Variants in BPNT2 observed in about 807,000 individuals in gnomAD.
BPNT2 encodes Golgi-resident adenosine 3',5'-bisphosphate 3'-phosphatase.
In BPNT2, 11 loss-of-function variants were observed where a neutral mutation model predicts 29.3. That is an observed-to-expected ratio of 0.38 (90% CI 0.24 to 0.62). The LOEUF (loss-of-function observed/expected upper bound fraction) is 0.62. Among genes scored for constraint, BPNT2 ranks in the 20% least tolerant of loss-of-function variants. The pLI is 0.62. For synonymous variants in BPNT2, 195 were observed against 187.7 expected (o/e 1.04, Z -0.32); for missense variants, 459 against 473.4 (o/e 0.97, Z 0.28).
At chr8:56,989,209 TAA>T (rs59954677) in intron 1 of BPNT2, among the ~76,000 whole-genome samples, 10,542 of 152,018 alleles carry the variant, frequency 0.069, 566 homozygotes, top group East Asian at 0.27. Context: ...CCGTCTCTAC[TAA>T]AAATACAAAA....
intron 1 of BPNT2, among the ~76,000 whole-genome samples, chr8:56,982,610 AAAC>A (rs886371071): frequency 5.3e-5 from 8 of 152,144 alleles, no homozygotes; most frequent in African/African-American, 1.9e-4. Context: ...TAGTATAGAT[AAAC>A]AACGAGACAC....
At chr8:56,981,171 T>G (rs1461079019) in intron 1 of BPNT2, among the ~76,000 whole-genome samples, 1 of 152,164 alleles carries the variant, frequency 6.6e-6, no homozygotes, top group Non-Finnish European at 1.5e-5. Context: ...CCGGACATTG[T>G]CAAGTGCGCC....
In BPNT2 at chr8:56,961,396, A is replaced by G. The variant is rs994907741; in HGVS notation, c.*2397T>C. On this transcript the variant is annotated 3_prime_UTR_variant, in exon 5 of 5. Transcript: ENST00000262644. ...GCAACGTATATTGGCTTTTAAAAAC[A>G]AACAATTTTAAAAATGAACTTTTTA... 2 of 152,128 alleles carry G rather than the reference A, an allele frequency of 1.3e-5. No individual in the cohort carries two copies. Among genetic ancestry groups the G allele is most frequent in the East Asian group, 3.8e-4 (2 of 5,196 alleles). The allele number at this position is 152,128 out of a possible 1,614,324, so 9.4% of individuals were successfully genotyped here.
chr8:56,990,138 A>G (rs999587539), intron 1 of BPNT2, among the ~76,000 whole-genome samples: 3 of 152,224 alleles, frequency 2.0e-5, no homozygotes, highest in Non-Finnish European at 4.4e-5. Flanking sequence ...CTTAACTTCC[A>G]TCTTATAGGT....
At chr8:56,967,167 T>C (rs774686100) in intron 3 of BPNT2, 5 of 456,172 alleles carry the variant, frequency 1.1e-5, no homozygotes, top group Non-Finnish European at 1.8e-5. Flanking sequence ...GGGCAAGATA[T>C]AGTCCACCAT....
intron 3 of BPNT2, among the ~76,000 whole-genome samples, chr8:56,974,196 G>GT (rs1443364926): frequency 1.3e-5 from 2 of 152,122 alleles, no homozygotes; most frequent in Admixed American, 6.5e-5. Flanking sequence ...TATTTATGTT[G>GT]TTAAGATTTT....
rs1805787194 is a variant in BPNT2, at chr8:56,959,207, GT to G, written c.*4585del. ...ATCATCCTTAACTTCTGAAAGTTTG[GT>G]TTATGTTATCTTATCTAGAAAGAAA... On this transcript the variant is annotated 3_prime_UTR_variant, in exon 5 of 5. Transcript: ENST00000262644. The G allele has an allele frequency of 6.6e-6, 1 of 152,090 alleles. No homozygotes were observed. 9.4% of individuals were successfully genotyped at this position (152,090 alleles called of 1,614,324 possible).
At chr8:56,976,317 T>TA (rs1806132189) in intron 3 of BPNT2, among the ~76,000 whole-genome samples, 1 of 152,152 alleles carries the variant, frequency 6.6e-6, no homozygotes, top group Admixed American at 6.6e-5. Flanking sequence ...TACTGTCTGT[T>TA]AGAGAAGAGA....
chr8:56,959,663 CA>C lies in BPNT2; in HGVS notation c.*4129del, dbSNP rs1236155956. On this transcript the variant is annotated 3_prime_UTR_variant, in exon 5 of 5. Coordinates refer to ENST00000262644, the MANE Select transcript of BPNT2 (RefSeq NM_017813.5). ...GTCTAATATTATTAAAATTAAAAAT[CA>C]AAAGATGAAATATTATTTCAGACCT... 6.6e-6 allele frequency: 1 copy of C among 151,898 alleles called. No homozygotes were observed. Among genetic ancestry groups the C allele is most frequent in the Non-Finnish European group, 1.5e-5 (1 of 67,998 alleles). The allele number at this position is 151,898 out of a possible 1,614,324, so 9.4% of individuals were successfully genotyped here. A position where few individuals can be genotyped will look rare whatever the true frequency, so the allele number is the denominator to read the frequency against.
In BPNT2 at chr8:56,963,727, G is replaced by A; in HGVS notation, c.*66C>T. The A allele has an allele frequency of 2.5e-6, 4 of 1,580,116 alleles. No homozygotes were observed. Among genetic ancestry groups the A allele is most frequent in the Non-Finnish European group, 3.5e-6 (4 of 1,151,082 alleles). On this transcript the variant is annotated 3_prime_UTR_variant, in exon 5 of 5. Transcript: ENST00000262644. ...CATGCATAGTCTCCACCAATCCTTTGAAGCTTCCAGCATCTCAGGCTAACC... is the reference window on the plus strand; with the variant it reads ...CATGCATAGTCTCCACCAATCCTTTAAAGCTTCCAGCATCTCAGGCTAACC...
rs535030645 is a variant in BPNT2 at position 56,983,503 on chromosome 8, T to G, written c.388-3306A>C. Reference sequence around the variant, plus strand: ...AGGTCAGAGAGTAATGGAAGCCAGATGGTGAAGGACCTCGCAGGCTGCAAC... The same window carrying G: ...AGGTCAGAGAGTAATGGAAGCCAGAGGGTGAAGGACCTCGCAGGCTGCAAC... On this transcript the variant is annotated intron_variant, in intron 1 of 4. Transcript: ENST00000262644. 1.5e-3 allele frequency among the ~76,000 whole-genome samples: 233 copies of G among 152,166 alleles called. 2 individuals carry two copies. The highest frequency in any genetic ancestry group is 5.3e-3 in the African/African-American group (221 of 41,530).
intron 1 of BPNT2, among the ~76,000 whole-genome samples, chr8:56,986,994 T>C (rs1253253507): frequency 6.6e-6 from 1 of 152,202 alleles, no homozygotes; most frequent in Non-Finnish European, 1.5e-5. Context: ...TACATATACA[T>C]ATAATACATA....
rs577354859 is a variant in BPNT2, at chr8:56,971,332, C to G, written c.647-4980G>C. On this transcript the variant is annotated intron_variant, in intron 3 of 4. Coordinates refer to ENST00000262644, the MANE Select transcript of BPNT2 (RefSeq NM_017813.5). ...GTGGTTGGTTGGTACGTTCCTACAC[C>G]TACTTCAGAAATAACAATTTATTAT... Among the ~76,000 whole-genome samples, 8 of 150,142 alleles carry G rather than the reference C, an allele frequency of 5.3e-5. No individual in the cohort carries two copies. In the East Asian group the frequency reaches 1.2e-3, roughly 22 times the overall value.
At chr8:56,988,226 A>G (rs1009813216) in intron 1 of BPNT2, among the ~76,000 whole-genome samples, 6 of 152,154 alleles carry the variant, frequency 3.9e-5, no homozygotes, top group Non-Finnish European at 8.8e-5. Flanking sequence ...AGGAAACATA[A>G]TACACCTAAC....
At chr8:56,988,242 A>C (rs991854577) in intron 1 of BPNT2, among the ~76,000 whole-genome samples, 1 of 152,210 alleles carries the variant, frequency 6.6e-6, no homozygotes, top group Non-Finnish European at 1.5e-5. Context: ...CTAACACCCC[A>C]GCCAACTTCC....
intron 1 of BPNT2, among the ~76,000 whole-genome samples, chr8:56,982,549 C>T (rs1404347859): frequency 2.0e-5 from 3 of 152,096 alleles, no homozygotes; most frequent in Non-Finnish European, 4.4e-5. Flanking sequence ...CTTAAAGATA[C>T]CACAGTGATC....
At position 56,971,780 on chromosome 8, in the gene BPNT2, C is replaced by CTA. The variant is rs1322051018; in HGVS notation, c.647-5429_647-5428insTA. ...TATGTATTACTGAAATAATTTTGTA[C>CTA]CACCCCCCCCCCCACAATGCTACTG... On this transcript the variant is annotated intron_variant, in intron 3 of 4. Coordinates refer to ENST00000262644, the MANE Select transcript of BPNT2 (RefSeq NM_017813.5). Among the ~76,000 whole-genome samples the CTA allele has an allele frequency of 7.6e-5, 2 of 26,152 alleles. 1 individual carries two copies. The highest frequency in any genetic ancestry group is 3.8e-4 in the African/African-American group (2 of 5,232). 17.2% of individuals were successfully genotyped at this position (26,152 alleles called of 152,430 possible). A position where few individuals can be genotyped will look rare whatever the true frequency, so the allele number is the denominator to read the frequency against.
intron 1 of BPNT2, among the ~76,000 whole-genome samples, chr8:56,992,991 G>GC (rs1319102236): frequency 6.6e-6 from 1 of 152,152 alleles, no homozygotes; most frequent in Non-Finnish European, 1.5e-5. Context: ...CCCAGGACGA[G>GC]CCAAAAGGGC....
At position 56,993,216 on chromosome 8, in the gene BPNT2, C is replaced by T; in HGVS notation, c.370G>A (p.Ala124Thr). 6.2e-7 allele frequency: 1 copy of T among 1,602,030 alleles called. No individual in the cohort carries two copies. ...GCTCCCACCTGGACGCTGGGGAAGG[C>T]GGTCTTGAGCAGGTAGAACATCTTG... is the stretch of plus-strand genomic sequence containing the variant. ...NRKMFYLLKT[A>T]FPSVQINTEE... The change falls in exon 1 of 5, where the codon GCC becomes ACC. Residue 124 changes from alanine (A) to threonine (T), a missense_variant. Physicochemically the swap from Ala to Thr is moderately conservative, Grantham distance 58 (BLOSUM62 0). Coordinates refer to ENST00000262644, the MANE Select transcript of BPNT2 (RefSeq NM_017813.5).
Sources: allele counts gnomAD v4.1 joint callset (sites outside exome capture counted in the v4.1 genomes callset), GRCh38; gene constraint gnomAD v4.1.1; transcripts MANE v1.5; gene names NCBI Gene and HGNC (gene_info 2026-07-23, HGNC 2026-07-21).